Variants in ANKRD28 observed in about 807,000 individuals in gnomAD.
ANKRD28 encodes the protein ankyrin repeat domain 28.
Under a neutral mutation model 126.5 loss-of-function variants are expected in ANKRD28, and 44 were observed. The observed-to-expected ratio is 0.35, with a 90% CI of 0.27 to 0.45. ANKRD28 has a LOEUF of 0.45. Ranked by LOEUF, ANKRD28 falls within the 20% of genes least tolerant of loss-of-function variation. The pLI is 1.00. For synonymous variants in ANKRD28, 442 were observed against 468.5 expected (o/e 0.94, Z 0.73); for missense variants, 1,110 against 1,316.6 (o/e 0.84, Z 2.43).
chr3:15,674,335 G>A (rs943943638), intron 27 of ANKRD28, among the ~76,000 whole-genome samples: 3 of 152,156 alleles, frequency 2.0e-5, no homozygotes, highest in African/African-American at 7.2e-5. Context: ...TATGCTGATG[G>A]ACTATACATT....
At chr3:15,675,627 A>AAT (rs563210092) in intron 27 of ANKRD28, among the ~76,000 whole-genome samples, 87 of 152,346 alleles carry the variant, frequency 5.7e-4, no homozygotes, top group African/African-American at 1.9e-3. Context: ...GAAAGAACAA[A>AAT]ATCTTTGGCT....
intron 6 of ANKRD28, among the ~76,000 whole-genome samples, chr3:15,730,346 T>A (rs2074492036): frequency 6.6e-6 from 1 of 152,012 alleles, no homozygotes; most frequent in Admixed American, 6.6e-5. Context: ...ATCAATTCAT[T>A]TGGAGATGAG....
At chr3:15,747,064 T>G (rs1485913048) in intron 4 of ANKRD28, among the ~76,000 whole-genome samples, 1 of 152,216 alleles carries the variant, frequency 6.6e-6, no homozygotes, top group Admixed American at 6.5e-5. Flanking sequence ...CATTTCTAAT[T>G]GAGCTTATTT....
chr3:15,783,886 A>T (rs1295768816), intron 2 of ANKRD28, among the ~76,000 whole-genome samples: 1 of 152,078 alleles, frequency 6.6e-6, no homozygotes, highest in Non-Finnish European at 1.5e-5. Context: ...ATCATATTTA[A>T]ATTGCAGAAA....
In ANKRD28 at chr3:15,815,432, G is replaced by A. The variant is rs1292265423; in HGVS notation, c.28-20126C>T. ...CCACCTCAGCCTCCTCAGTAGCTGCGACCACAGGCATGCATAACCTCACCC... is the reference window on the plus strand; with the variant it reads ...CCACCTCAGCCTCCTCAGTAGCTGCAACCACAGGCATGCATAACCTCACCC... On this transcript the variant is annotated intron_variant, in intron 1 of 27. Coordinates refer to the ANKRD28 transcript ENST00000399451. This position sits in a 1 kb window ranked among gnomAD's most constrained non-coding sequence, Gnocchi z 4.1. 1.3e-5 allele frequency among the ~76,000 whole-genome samples: 2 copies of A among 152,054 alleles called. No homozygotes were observed. The highest frequency in any genetic ancestry group is 1.9e-4 in the East Asian group (1 of 5,188).
Position 15,713,627 on chromosome 3 carries a change from A to C in ANKRD28, c.1090T>G (p.Cys364Gly), listed in dbSNP as rs1018719217. The stretch of plus-strand genomic sequence containing the variant: ...GGGGTATTTCCATTCTTATCCTCAC[A>C]GTCGATTACAGCTCCTGCAATATAG... ...TIIQSGAVID[C>G]EDKNGNTPLH... Residue 364 changes from cysteine (C) to glycine (G), a missense_variant, in exon 10 of 28, where the codon TGT becomes GGT. Transcript: ENST00000683139. The C allele has an allele frequency of 2.5e-6, 4 of 1,605,328 alleles. No individual in the cohort carries two copies. The highest frequency in any genetic ancestry group is 3.4e-6 in the Non-Finnish European group (4 of 1,176,626).
chr3:15,750,162 A>G (rs2057770663), intron 4 of ANKRD28, among the ~76,000 whole-genome samples: 3 of 152,330 alleles, frequency 2.0e-5, no homozygotes, highest in African/African-American at 7.2e-5. Context: ...GCAAATATAT[A>G]AATTGTACCT....
chr3:15,856,144 A>T (rs376063037), intron 1 of ANKRD28, among the ~76,000 whole-genome samples: 58 of 152,176 alleles, frequency 3.8e-4, no homozygotes, highest in African/African-American at 1.4e-3. Context: ...GTTTACAAAT[A>T]CCTGTAGAGA....
chr3:15,708,187 C>T (rs1240886683), intron 13 of ANKRD28, 123 bp from the exon 14 acceptor site: 3 of 1,105,700 alleles, frequency 2.7e-6, no homozygotes, highest in South Asian at 3.1e-5. Flanking sequence ...CTTAGACTAC[C>T]ATATACTAAG....
intron 2 of ANKRD28, among the ~76,000 whole-genome samples, chr3:15,781,200 A>T (rs889946452): frequency 2.0e-5 from 3 of 152,162 alleles, no homozygotes; most frequent in Non-Finnish European, 4.4e-5. Flanking sequence ...AAACAACCTG[A>T]TTAAAAGAGG....
Position 15,796,455 on chromosome 3 carries a change from A to G in ANKRD28, c.67T>C (p.Leu23=), listed in dbSNP as rs1324313095. 7.8e-7 allele frequency: 1 copy of G among 1,288,666 alleles called. No homozygotes were observed. The highest frequency in any genetic ancestry group is 1.0e-6 in the Non-Finnish European group (1 of 988,092). The allele number at this position is 1,288,666 out of a possible 1,614,324, so 79.8% of individuals were successfully genotyped here. A position where few individuals can be genotyped will look rare whatever the true frequency, so the allele number is the denominator to read the frequency against. The change falls in exon 1 of 28, where the codon TTG becomes CTG. Residue 23 remains leucine (L), a synonymous_variant. Transcript: ENST00000683139. ...TGTAGGGATTTATTTTCCTGTGGCA[A>G]TTTAGAAATGAATGCAGGAGATTCA... The part of the protein sequence containing the change: ...EDESPAFISK[L]PQENKSLHSP...
At chr3:15,744,820 T>A (rs148865793) in intron 4 of ANKRD28, among the ~76,000 whole-genome samples, 13 of 152,328 alleles carry the variant, frequency 8.5e-5, no homozygotes, top group South Asian at 2.1e-4. Context: ...ATTTCCACAC[T>A]GTTTTCCATA....
intron 21 of ANKRD28, among the ~76,000 whole-genome samples, chr3:15,682,038 T>C (rs919819174): frequency 6.6e-6 from 1 of 152,078 alleles, no homozygotes. Context: ...TCTCCAGGTA[T>C]ATGGGTTCTT....
intron 3 of ANKRD28, among the ~76,000 whole-genome samples, chr3:15,753,195 A>G (rs2057963156): frequency 6.6e-6 from 1 of 152,244 alleles, no homozygotes; most frequent in Non-Finnish European, 1.5e-5. Context: ...GTCAGAGAGC[A>G]TGACATACCC....
chr3:15,842,248 T>TTG (rs2061438241), intron 1 of ANKRD28, among the ~76,000 whole-genome samples: 4 of 152,012 alleles, frequency 2.6e-5, no homozygotes. Context: ...CAGCCTGTCA[T>TTG]TTGCAACAAC....
intron 5 of ANKRD28, 106 bp from the exon 6 acceptor site, chr3:15,735,603 T>C (rs1204753217): frequency 1.2e-5 from 10 of 806,266 alleles, no homozygotes; most frequent in Non-Finnish European, 2.0e-5. Flanking sequence ...ACTAAATTTC[T>C]GCAGTTGCTG....
At chr3:15,821,312 C>T (rs1404769747) in intron 1 of ANKRD28, among the ~76,000 whole-genome samples, 1 of 152,132 alleles carries the variant, frequency 6.6e-6, no homozygotes, top group African/African-American at 2.4e-5. Context: ...AAATGACTAG[C>T]CAGCAACAGA....
chr3:15,856,499 G>GA (rs2061770689), intron 1 of ANKRD28, among the ~76,000 whole-genome samples: 1 of 151,990 alleles, frequency 6.6e-6, no homozygotes, highest in Admixed American at 6.5e-5. Flanking sequence ...ATATCTGTTA[G>GA]AAAAAACCCT....
rs1054523816 is a variant in ANKRD28 at position 15,833,488 on chromosome 3, A to G, written c.27+25889T>C. Among the ~76,000 whole-genome samples the G allele has an allele frequency of 6.7e-6, 1 of 148,698 alleles. No homozygotes were observed. ...ACTCCCCTTCATATATATATAATAT[A>G]TAAAAATATACTACATATTATGTAC... On this transcript the variant is annotated intron_variant, in intron 1 of 27. Transcript: ENST00000399451. This position sits in a 1 kb window ranked among gnomAD's most constrained non-coding sequence, Gnocchi z 4.4.
Sources: gnomAD v4.1 joint callset for allele counts (sites outside exome capture counted in the v4.1 genomes callset) on GRCh38, gnomAD v4.1.1 for gene constraint, Gnocchi (gnomAD v3.1) non-coding constraint, MANE v1.5 for transcripts, NCBI Gene and HGNC (gene_info 2026-07-23, HGNC 2026-07-21) for gene names.